PPP1R7: variants seen among roughly 807,000 people sequenced by gnomAD.
PPP1R7 encodes the protein protein phosphatase 1 regulatory subunit 7.
In PPP1R7, 18 loss-of-function variants were observed where a neutral mutation model predicts 45.2. That is an observed-to-expected ratio of 0.40 (90% CI 0.28 to 0.59). The LOEUF (loss-of-function observed/expected upper bound fraction) is 0.59, where lower values mean the gene tolerates loss of function less well. Ranked by LOEUF, PPP1R7 falls within the 20% of genes least tolerant of loss-of-function variation. The pLI, the probability that PPP1R7 is intolerant of heterozygous loss-of-function variation, is 0.46. For synonymous variants in PPP1R7, 181 were observed against 183.4 expected (o/e 0.99, Z 0.11); for missense variants, 314 against 455.8 (o/e 0.69, Z 2.83).
chr2:241,169,205 C>G (rs77859058), intron 8 of PPP1R7, among the ~76,000 whole-genome samples: 2,746 of 152,294 alleles, frequency 0.018, 91 homozygotes, highest in African/African-American at 0.062. Flanking sequence ...CTTCTCTGCA[C>G]TTATGCTCCC....
chr2:241,180,856 G>C (rs1334622318), intron 9 of PPP1R7, among the ~76,000 whole-genome samples: 1 of 152,120 alleles, frequency 6.6e-6, no homozygotes, highest in African/African-American at 2.4e-5. Flanking sequence ...TGGAATTCTT[G>C]GTTTCCCAAG....
Position 241,153,617 on chromosome 2 carries a change from G to T in PPP1R7, c.181+13G>T, listed in dbSNP as rs762044131. On this transcript the variant is annotated intron_variant, in intron 2 of 9. Transcript: ENST00000234038. ...GAGGACCCAGAAGGTACCAGGCCCA[G>T]CTCCCTTGGGGACATCTGCTGGTTG... 2 of 1,613,008 alleles carry T rather than the reference G, an allele frequency of 1.2e-6. No individual in the cohort carries two copies. The highest frequency in any genetic ancestry group is 2.7e-5 in the African/African-American group (2 of 74,912).
At chr2:241,174,966 C>T (rs1300891322) in intron 9 of PPP1R7, among the ~76,000 whole-genome samples, 3 of 152,246 alleles carry the variant, frequency 2.0e-5, no homozygotes, top group Non-Finnish European at 2.9e-5. Context: ...TGAGCCACCG[C>T]GCCCGGCCTA....
At chr2:241,169,061 G>A (rs952880668) in intron 8 of PPP1R7, among the ~76,000 whole-genome samples, 1 of 152,194 alleles carries the variant, frequency 6.6e-6, no homozygotes, top group African/African-American at 2.4e-5. Context: ...TAGCTAACAT[G>A]TATTGGAAAG....
rs1391058989 is a variant in PPP1R7 at position 241,160,414 on chromosome 2, A to C, written c.517A>C (p.Asn173His). 1 of 1,613,330 alleles carries C rather than the reference A, an allele frequency of 6.2e-7. No homozygotes were observed. The highest frequency in any genetic ancestry group is 8.5e-7 in the Non-Finnish European group (1 of 1,179,862). Reference sequence around the variant, plus strand: ...ACGACTGAAAAAACTCTTCTTGGTCAACAATAAAATCAGTAAAATTGAGAA... The same window carrying C: ...ACGACTGAAAAAACTCTTCTTGGTCCACAATAAAATCAGTAAAATTGAGAA... ...LTRLKKLFLV[N>H]NKISKIENLS... Residue 173 changes from asparagine to histidine, a missense_variant, in exon 6 of 10, where the codon AAC becomes CAC. This residue lies in a region of PPP1R7 where 168 missense variants were observed against 285.3 expected (regional missense o/e 0.59). Coordinates refer to ENST00000234038, the MANE Select transcript of PPP1R7 (RefSeq NM_002712.3).
At chr2:241,176,219 T>G (rs1282136425) in intron 9 of PPP1R7, among the ~76,000 whole-genome samples, 1 of 152,090 alleles carries the variant, frequency 6.6e-6, no homozygotes, top group African/African-American at 2.4e-5. Flanking sequence ...AGTCAGTGCC[T>G]GAAACATATT....
Position 241,180,858 on chromosome 2 carries a change from T to C in PPP1R7, c.907-1789T>C, listed in dbSNP as rs1442327976. Among the ~76,000 whole-genome samples, 5 of 152,098 alleles carry C rather than the reference T, an allele frequency of 3.3e-5. No individual in the cohort carries two copies. The East Asian group carries it at 9.6e-4, about 29-fold the overall frequency. ...AAGCTCTAGGATTTGGAATTCTTGG[T>C]TTCCCAAGGCTGGTACGCACTAGTC... On this transcript the variant is annotated intron_variant, in intron 9 of 9. Transcript: ENST00000234038.
At chr2:241,173,269 C>CAAAAAAAAAA (rs540011262) in intron 9 of PPP1R7, among the ~76,000 whole-genome samples, 13 of 90,678 alleles carry the variant, frequency 1.4e-4, no homozygotes, top group Middle Eastern at 5.5e-3. Flanking sequence ...AAGACTTTCT[C>CAAAAAAAAAA]AAAAAAAAAA....
intron 9 of PPP1R7, among the ~76,000 whole-genome samples, chr2:241,177,535 G>A (rs900316280): frequency 6.6e-5 from 10 of 152,188 alleles, no homozygotes; most frequent in Admixed American, 5.9e-4. Flanking sequence ...AGAGTCCATT[G>A]GTCGCCTGAG....
At chr2:241,149,653 GC>G, upstream of PPP1R7, 1 of 1,542,092 alleles carries the variant, frequency 6.5e-7, no homozygotes, top group Non-Finnish European at 8.7e-7. Flanking sequence ...AATAATGGGC[GC>G]CTCCGCCCCC....
Position 241,182,628 on chromosome 2 carries a change from C to G in PPP1R7, c.907-19C>G. On this transcript the variant is annotated intron_variant, in intron 9 of 9. Transcript: ENST00000234038. ...GGGCTGTTTGGTTCTAAAGGCTTTT[C>G]TGCTGTGTGTGTCCCCAGATGAACG... The G allele has an allele frequency of 6.2e-7, 1 of 1,613,412 alleles. No individual in the cohort carries two copies. The highest frequency in any genetic ancestry group is 8.5e-7 in the Non-Finnish European group (1 of 1,179,398).
chr2:241,178,949 A>G (rs1338371597), intron 9 of PPP1R7, among the ~76,000 whole-genome samples: 3 of 151,808 alleles, frequency 2.0e-5, no homozygotes, highest in Admixed American at 2.0e-4. Context: ...AATTCTACCC[A>G]TCTTTTGCTT....
intron 9 of PPP1R7, among the ~76,000 whole-genome samples, chr2:241,179,911 G>GT (rs1559429677): frequency 6.6e-6 from 1 of 152,218 alleles, no homozygotes; most frequent in African/African-American, 2.4e-5. Context: ...AGAATTCCCC[G>GT]TGTTAGGTTT....
intron 9 of PPP1R7, among the ~76,000 whole-genome samples, chr2:241,177,643 A>C (rs776238314): frequency 1.3e-5 from 2 of 152,228 alleles, no homozygotes; most frequent in Non-Finnish European, 2.9e-5. Flanking sequence ...AGCAATACAC[A>C]GTTCACCAAT....
chr2:241,151,527 A>T, intron 1 of PPP1R7: 3 of 471,242 alleles, frequency 6.4e-6, no homozygotes, highest in Non-Finnish European at 1.3e-5. Flanking sequence ...AGAATCACTC[A>T]AGACGGAGAA....
chr2:241,168,369 C>G (rs1413758705), intron 8 of PPP1R7, among the ~76,000 whole-genome samples: 4 of 152,184 alleles, frequency 2.6e-5, no homozygotes, highest in Non-Finnish European at 4.4e-5. Context: ...AGGCCACTTT[C>G]ATTTTGCCAG....
At chr2:241,175,448 C>T (rs1214394190) in intron 9 of PPP1R7, among the ~76,000 whole-genome samples, 2 of 152,238 alleles carry the variant, frequency 1.3e-5, no homozygotes, top group Non-Finnish European at 2.9e-5. Flanking sequence ...TTGTGACTGG[C>T]TTACTTCACT....
Position 241,182,966 on chromosome 2 carries a change from G to A in PPP1R7, c.*143G>A, listed in dbSNP as rs962816155. ...AATAAAGGCACTGACGATAGCTGGC[G>A]CGCGCGACGTCACACACCATTTTCA... is the stretch of plus-strand genomic sequence containing the variant. On this transcript the variant is annotated 3_prime_UTR_variant, in exon 10 of 10. Transcript: ENST00000234038. 35 of 901,360 alleles carry A rather than the reference G, an allele frequency of 3.9e-5. No homozygotes were observed. The highest frequency in any genetic ancestry group is 5.3e-5 in the South Asian group (3 of 56,902). The allele number at this position is 901,360 out of a possible 1,614,324, so 55.8% of individuals were successfully genotyped here.
At chr2:241,164,227 C>T (rs901795947) in intron 7 of PPP1R7, among the ~76,000 whole-genome samples, 2 of 152,140 alleles carry the variant, frequency 1.3e-5, no homozygotes, top group Admixed American at 6.6e-5. Context: ...CACCCACCCA[C>T]CTCCCCCTTC....
Sources: gnomAD v4.1 joint callset for allele counts (sites outside exome capture counted in the v4.1 genomes callset) on GRCh38, gnomAD v4.1.1 for gene constraint, gnomAD v4.1.1 regional missense constraint, MANE v1.5 for transcripts, NCBI Gene and HGNC (gene_info 2026-07-23, HGNC 2026-07-21) for gene names.